Variants in FUT8 observed in about 807,000 individuals in gnomAD.
FUT8 encodes the protein fucosyltransferase 8.
FUT8 carries 29 observed loss-of-function variants against 71.3 expected under a neutral mutation model. The observed-to-expected ratio is 0.41, with a 90% CI of 0.30 to 0.55. The LOEUF (loss-of-function observed/expected upper bound fraction) is 0.55. FUT8 is among the 20% of genes least tolerant of loss of function. The pLI, the probability that FUT8 is intolerant of heterozygous loss-of-function variation, is 0.34. For missense variants in FUT8, 544 were observed against 702.1 expected (o/e 0.77, Z 2.55); for synonymous variants, 254 against 239.3 (o/e 1.06, Z -0.57).
chr14:65,371,187 G>T, the FUT8 span, among the ~76,000 whole-genome samples: 7 of 152,156 alleles, frequency 4.6e-5, no homozygotes, highest in Non-Finnish European at 7.4e-5. Context: ...GCCATATTTG[G>T]GTGTAGCCCA....
chr14:65,378,099 G>C, the FUT8 span, among the ~76,000 whole-genome samples: 1 of 152,206 alleles, frequency 6.6e-6, no homozygotes, highest in Admixed American at 6.5e-5. Flanking sequence ...ACTCAGTAGT[G>C]CTGCACTGTA....
intron 1 of FUT8, among the ~76,000 whole-genome samples, chr14:65,453,050 A>G (rs546389957): frequency 1.1e-4 from 16 of 151,784 alleles, no homozygotes; most frequent in Non-Finnish European, 2.2e-4. Flanking sequence ...TTAACCTGCT[A>G]GTTAATTAAT....
intron 3 of FUT8, among the ~76,000 whole-genome samples, chr14:65,609,165 C>T (rs1299988832): frequency 1.3e-5 from 2 of 151,460 alleles, no homozygotes; most frequent in African/African-American, 4.8e-5. Context: ...TGTGGTGGCG[C>T]GCTCCTGTAG....
chr14:65,742,438 A>C lies in FUT8; in HGVS notation c.*28A>C. 8 of 1,590,912 alleles carry C rather than the reference A, an allele frequency of 5.0e-6. No homozygotes were observed. The highest frequency in any genetic ancestry group is 6.9e-6 in the Non-Finnish European group (8 of 1,165,800). On this transcript the variant is annotated 3_prime_UTR_variant, in exon 11 of 11. Transcript: ENST00000673929. ...CTCAGATGGAAGAGATAAACGACCAAACTCAGTTCGACCAAACTCAGTTCA... is the reference window on the plus strand; with the variant it reads ...CTCAGATGGAAGAGATAAACGACCACACTCAGTTCGACCAAACTCAGTTCA...
rs886188504 is a variant in FUT8 at position 65,455,665 on chromosome 14, T to C, written c.-281T>C. 2.5e-6 allele frequency: 1 copy of C among 398,290 alleles called. No homozygotes were observed. Among genetic ancestry groups the C allele is most frequent in the African/African-American group, 2.1e-5 (1 of 48,630 alleles). 24.7% of individuals were successfully genotyped at this position (398,290 alleles called of 1,614,324 possible). A position where few individuals can be genotyped will look rare whatever the true frequency, so the allele number is the denominator to read the frequency against. On this transcript the variant is annotated 5_prime_UTR_variant, in exon 2 of 11. Coordinates refer to ENST00000673929, the MANE Select transcript of FUT8 (RefSeq NM_001371533.1). ...GGACATCCATGACCCTAATGGTCTT[T>C]TTGTTCAAGATAAAGTGATTTTTTG...
intron 1 of FUT8, among the ~76,000 whole-genome samples, chr14:65,446,172 G>A (rs1410239454): frequency 3.3e-5 from 5 of 152,138 alleles, no homozygotes; most frequent in Admixed American, 2.0e-4. Context: ...CATCTCATCT[G>A]TCTCTTTTTC....
Position 65,576,539 on chromosome 14 carries a change from T to G in FUT8, c.203+14773T>G, listed in dbSNP as rs1022682365. ...TTGTACTTGTTTCCGTTTTTGTTTT[T>G]TTTTCCCAAGACAGGGTCTTGCTCT... On this transcript the variant is annotated intron_variant, in intron 3 of 10. Coordinates refer to ENST00000673929, the MANE Select transcript of FUT8 (RefSeq NM_001371533.1). 1.4e-4 allele frequency among the ~76,000 whole-genome samples: 21 copies of G among 151,936 alleles called. 1 individual carries two copies. The highest frequency in any genetic ancestry group is 4.1e-4 in the African/African-American group (17 of 41,288).
chr14:65,689,718 T>G (rs1375523401), intron 7 of FUT8, among the ~76,000 whole-genome samples: 1 of 152,166 alleles, frequency 6.6e-6, no homozygotes, highest in African/African-American at 2.4e-5. Flanking sequence ...GTTGTATTTT[T>G]AGTAGAAATG....
intron 2 of FUT8, among the ~76,000 whole-genome samples, chr14:65,466,212 TGTC>T (rs973433950): frequency 1.3e-5 from 2 of 152,246 alleles, no homozygotes; most frequent in Non-Finnish European, 2.9e-5. Flanking sequence ...AGTAGGGTCT[TGTC>T]GTTTGATTTG....
chr14:65,657,167 TA>T (rs2140339787), intron 6 of FUT8, among the ~76,000 whole-genome samples: 1 of 152,180 alleles, frequency 6.6e-6, no homozygotes, highest in Non-Finnish European at 1.5e-5. Flanking sequence ...CTTATCAAGT[TA>T]AAAACCTTCT....
intron 6 of FUT8, among the ~76,000 whole-genome samples, chr14:65,642,602 CAAAA>C (rs71126774): frequency 1.0e-5 from 1 of 95,656 alleles, no homozygotes. Flanking sequence ...GACTCCGTCT[CAAAA>C]AAAAAAAAAA....
At position 65,602,339 on chromosome 14, in the gene FUT8, T is replaced by TCACA. The variant is rs1491157190; in HGVS notation, c.204-13638_204-13637insACAC. On this transcript the variant is annotated intron_variant, in intron 3 of 10. Coordinates refer to ENST00000673929, the MANE Select transcript of FUT8 (RefSeq NM_001371533.1). ...ATTTTCATGGCCGAGTAGCGTTCCA[T>TCACA]CTCTCACACACACACACACACACAC... Among the ~76,000 whole-genome samples the TCACA allele has an allele frequency of 4.3e-4, 38 of 88,264 alleles. 3 individuals carry two copies. The highest frequency in any genetic ancestry group is 6.4e-4 in the African/African-American group (12 of 18,878). The allele number at this position is 88,264 out of a possible 152,430, so 57.9% of individuals were successfully genotyped here. A position where few individuals can be genotyped will look rare whatever the true frequency, so the allele number is the denominator to read the frequency against.
chr14:65,363,223 G>A, the FUT8 span, among the ~76,000 whole-genome samples: 1 of 117,526 alleles, frequency 8.5e-6, no homozygotes, highest in Non-Finnish European at 2.2e-5. Context: ...TCGGGTTCAA[G>A]CGATTCTCAT....
At chr14:65,697,150 T>C (rs1894037190) in intron 7 of FUT8, among the ~76,000 whole-genome samples, 1 of 152,256 alleles carries the variant, frequency 6.6e-6, no homozygotes, top group South Asian at 2.1e-4. Context: ...AAAAAGGAAC[T>C]GAAGTAGATA....
intron 6 of FUT8, among the ~76,000 whole-genome samples, chr14:65,632,356 T>TC (rs1219520128): frequency 2.6e-5 from 4 of 152,236 alleles, no homozygotes; most frequent in African/African-American, 9.6e-5. Context: ...GTAGAAGTGT[T>TC]CTCTGATCAC....
At chr14:65,398,539 T>C in the FUT8 span, among the ~76,000 whole-genome samples, 221 of 151,736 alleles carry the variant, frequency 1.5e-3, no homozygotes, top group African/African-American at 5.1e-3. Context: ...ATCAAGACGA[T>C]TCTGGCCAAC....
chr14:65,422,211 G>A (rs1398488279), intron 1 of FUT8, among the ~76,000 whole-genome samples: 1 of 152,100 alleles, frequency 6.6e-6, no homozygotes, highest in African/African-American at 2.4e-5. Context: ...CCAGAAAAAG[G>A]GTTCTCATTG....
At chr14:65,361,402 C>T in the FUT8 span, among the ~76,000 whole-genome samples, 1 of 149,592 alleles carries the variant, frequency 6.7e-6, no homozygotes, top group African/African-American at 2.5e-5. Flanking sequence ...CTACTAGAGA[C>T]CTTGTAAGGA....
At chr14:65,697,093 C>T (rs755752637) in intron 7 of FUT8, among the ~76,000 whole-genome samples, 12 of 152,104 alleles carry the variant, frequency 7.9e-5, no homozygotes, top group Admixed American at 6.6e-4. Context: ...TGCCTTTTAG[C>T]ATGCCTTGTA....
Sources: gnomAD v4.1 joint callset for allele counts (sites outside exome capture counted in the v4.1 genomes callset) on GRCh38, gnomAD v4.1.1 for gene constraint, MANE v1.5 for transcripts, NCBI Gene and HGNC (gene_info 2026-07-23, HGNC 2026-07-21) for gene names.